Variants in PRPF18 observed in about 807,000 individuals in gnomAD.
The protein encoded by PRPF18 is pre-mRNA processing factor 18, also known as pre-mRNA-splicing factor 18.
In PRPF18, 38 loss-of-function variants were observed where a neutral mutation model predicts 46.5. The observed-to-expected ratio is 0.82, with a 90% CI of 0.63 to 1.07. The LOEUF (loss-of-function observed/expected upper bound fraction) is 1.07, where lower values mean the gene tolerates loss of function less well. PRPF18 is among the 50% of genes least tolerant of loss of function. PRPF18 has a pLI of 0.00. For synonymous variants in PRPF18, 152 were observed against 146.7 expected (o/e 1.04, Z -0.26); for missense variants, 263 against 410.0 (o/e 0.64, Z 3.10).
At chr10:13,622,013 A>AAG (rs2080427494) in intron 9 of PRPF18, among the ~76,000 whole-genome samples, 3 of 152,154 alleles carry the variant, frequency 2.0e-5, no homozygotes, top group South Asian at 4.1e-4. Context: ...CATGACTGCA[A>AAG]TAAGTGATCA....
At chr10:13,608,380 G>A (rs2080220690) in intron 4 of PRPF18, among the ~76,000 whole-genome samples, 1 of 151,348 alleles carries the variant, frequency 6.6e-6, no homozygotes. Flanking sequence ...CCCGCTCCCC[G>A]ACCTGCTCTG....
the PRPF18 span, among the ~76,000 whole-genome samples, chr10:13,638,329 G>A: frequency 7.2e-6 from 1 of 139,054 alleles, no homozygotes; most frequent in Non-Finnish European, 1.5e-5. Context: ...ATGGCATCAT[G>A]AAATCATTTT....
chr10:13,613,687 T>C, intron 6 of PRPF18, 54 bp from the exon 7 acceptor site: 1 of 1,556,218 alleles, frequency 6.4e-7, no homozygotes, highest in Non-Finnish European at 8.7e-7. Context: ...AGCATTTAGA[T>C]GTACTGAACC....
At chr10:13,618,985 G>C (rs2080387079) in intron 9 of PRPF18, among the ~76,000 whole-genome samples, 1 of 152,228 alleles carries the variant, frequency 6.6e-6, no homozygotes, top group South Asian at 2.1e-4. Context: ...GGGGAGGTCA[G>C]GGGGATGGTT....
At chr10:13,654,668 A>G in the PRPF18 span, 3 of 607,726 alleles carry the variant, frequency 4.9e-6, no homozygotes, top group South Asian at 2.0e-5. Context: ...CAGCATCCCT[A>G]TGGCATGGTC....
intron 1 of PRPF18, among the ~76,000 whole-genome samples, chr10:13,589,873 C>T (rs775574239): frequency 6.6e-6 from 1 of 152,020 alleles, no homozygotes; most frequent in Admixed American, 6.5e-5. Flanking sequence ...TGGGGAAAAG[C>T]TTGTTCATAT....
At chr10:13,600,523 G>A (rs995086937) in intron 3 of PRPF18, among the ~76,000 whole-genome samples, 175 bp downstream of exon 3, 2 of 151,726 alleles carry the variant, frequency 1.3e-5, no homozygotes, top group African/African-American at 2.4e-5. Context: ...TTCTTTTCTT[G>A]GTATTATTAT....
At chr10:13,652,032 TGACACAGACACA>T in the PRPF18 span, 1 of 902,298 alleles carries the variant, frequency 1.1e-6, no homozygotes, top group Admixed American at 1.7e-5. Flanking sequence ...AGAGAGACAC[TGACACAGACACA>T]GACACGATTA....
At chr10:13,652,068 A>C in the PRPF18 span, 1 of 783,282 alleles carries the variant, frequency 1.3e-6, no homozygotes, top group Non-Finnish European at 2.3e-6. Flanking sequence ...GCTTATTAAT[A>C]TATCCGAAAG....
At chr10:13,642,734 T>C in the PRPF18 span, 1 of 152,332 alleles carries the variant, frequency 6.6e-6, no homozygotes, top group Non-Finnish European at 1.5e-5. Flanking sequence ...CTTTGTCTTT[T>C]TTCAAGTGTA....
chr10:13,627,093 C>G (rs190438984), intron 9 of PRPF18, among the ~76,000 whole-genome samples: 4 of 152,292 alleles, frequency 2.6e-5, no homozygotes, highest in African/African-American at 9.6e-5. Context: ...CACATACAGT[C>G]AGATCGTGTT....
At chr10:13,653,899 A>C in the PRPF18 span, 1 of 171,576 alleles carries the variant, frequency 5.8e-6, no homozygotes, top group Non-Finnish European at 1.2e-5. Context: ...TGCAGCTTCC[A>C]CTGAAGGCTT....
At chr10:13,589,321 G>A (rs1033262938) in intron 1 of PRPF18, among the ~76,000 whole-genome samples, 1 of 152,174 alleles carries the variant, frequency 6.6e-6, no homozygotes, top group Non-Finnish European at 1.5e-5. Flanking sequence ...AGCCAGTTTA[G>A]CTTGCAACTC....
chr10:13,616,370 C>G, intron 8 of PRPF18, 28 bp from the exon 9 acceptor site: 4 of 1,578,108 alleles, frequency 2.5e-6, no homozygotes, highest in Non-Finnish European at 3.5e-6. Flanking sequence ...TTTCGCCTTT[C>G]TGATTTCTTC....
At chr10:13,623,195 C>T (rs61833173) in intron 9 of PRPF18, among the ~76,000 whole-genome samples, 35,386 of 151,230 alleles carry the variant, frequency 0.23, 4,530 homozygotes, top group East Asian at 0.55. Flanking sequence ...CGCGAGACTC[C>T]GTCTCAAAAA....
chr10:13,591,556 T>C (rs115267997), intron 1 of PRPF18: 1 of 719,056 alleles, frequency 1.4e-6, no homozygotes, highest in Admixed American at 1.9e-5. Context: ...TTGGTAAAAT[T>C]TGTGACTCCA....
At chr10:13,588,535 C>A (rs2079910367) in intron 1 of PRPF18, among the ~76,000 whole-genome samples, 1 of 150,640 alleles carries the variant, frequency 6.6e-6, no homozygotes. Context: ...ATCATCGTGC[C>A]ACTGCACTCC....
At chr10:13,632,867 C>T (rs2080602698), downstream of PRPF18, 1 of 152,192 alleles carries the variant, frequency 6.6e-6, no homozygotes, top group Admixed American at 6.5e-5. Context: ...ACAGTGAAGA[C>T]ATACCTTTTA....
chr10:13,629,115 C>G (rs944483428), intron 9 of PRPF18, among the ~76,000 whole-genome samples: 8 of 152,224 alleles, frequency 5.3e-5, no homozygotes, highest in Non-Finnish European at 1.0e-4. Context: ...CTTAAAAAAT[C>G]TAACTATAAA....
Sources: allele counts gnomAD v4.1 joint callset (sites outside exome capture counted in the v4.1 genomes callset), GRCh38; gene constraint gnomAD v4.1.1; transcripts MANE v1.5; gene names NCBI Gene and HGNC (gene_info 2026-07-23, HGNC 2026-07-21).